The following SASH1 variants were observed in gnomAD, a reference collection of about 807,000 sequenced individuals.
SASH1 encodes the protein SAM and SH3 domain containing 1, also known as SAM and SH3 domain-containing protein 1.
SASH1 carries 44 observed loss-of-function variants against 125.2 expected under a neutral mutation model. The observed-to-expected ratio is 0.35, with a 90% CI of 0.28 to 0.45. SASH1 has a LOEUF of 0.45. Ranked by LOEUF, SASH1 falls within the 20% of genes least tolerant of loss-of-function variation. The probability of loss-of-function intolerance (pLI) is 1.00; values close to 1 mark genes in which losing one functional copy is unlikely to be tolerated. For synonymous variants in SASH1, 639 were observed against 649.1 expected, an observed-to-expected ratio of 0.98 and a Z score of 0.24; for missense variants, 1,426 against 1,614.5, an observed-to-expected ratio of 0.88 and a Z score of 2.00.
upstream of SASH1, among the ~76,000 whole-genome samples, chr6:148,270,103 T>C (rs1779027409): frequency 6.6e-6 from 1 of 152,220 alleles, no homozygotes; most frequent in Non-Finnish European, 1.5e-5. Flanking sequence ...AATTTCTCTT[T>C]TGGTTGCTGG....
rs749939477 is a variant in SASH1, at chr6:148,474,151, G to C, written c.556G>C (p.Asp186His). 3 of 1,612,046 alleles carry C rather than the reference G, an allele frequency of 1.9e-6. No homozygotes were observed. Among genetic ancestry groups the C allele is most frequent in the Non-Finnish European group, 2.5e-6 (3 of 1,179,100 alleles). The change falls in exon 7 of 20, where the codon GAT (aspartate) becomes CAT (histidine). Residue 186 changes from aspartate (D) to histidine (H), a missense_variant. Asp to His is a moderately conservative substitution (Grantham distance 81). Around this residue, in one of 3 missense-constraint regions of SASH1, gnomAD observed 567 missense variants for 575.6 expected, o/e 0.99. Coordinates refer to ENST00000367467, the MANE Select transcript of SASH1 (RefSeq NM_015278.5). ...GYVASEITMS[D>H]EERIQLMMMV... ...TGTTGCCAGTGAAATAACGATGAGC[G>C]ATGAGGAGCGGATTCAGCTAATGAT...
intron 1 of SASH1, among the ~76,000 whole-genome samples, chr6:148,371,862 T>G (rs1002893327): frequency 1.3e-5 from 2 of 152,218 alleles, no homozygotes; most frequent in South Asian, 4.1e-4. Context: ...TTCCTGTATT[T>G]GTGGCCTGAG....
chr6:148,510,995 C>CAA (rs5880785), intron 8 of SASH1, among the ~76,000 whole-genome samples: 7 of 115,362 alleles, frequency 6.1e-5, no homozygotes, highest in African/African-American at 2.4e-4. Context: ...GACTCCATCT[C>CAA]AAAAAAAAAA....
chr6:148,293,062 A>G (rs949660291), intron 1 of SASH1, among the ~76,000 whole-genome samples: 4 of 152,068 alleles, frequency 2.6e-5, no homozygotes, highest in African/African-American at 9.7e-5. Context: ...TCTCAAAAAA[A>G]AAAAAGGTCT....
At chr6:148,365,415 T>A (rs2114723825) in intron 1 of SASH1, among the ~76,000 whole-genome samples, 1 of 151,302 alleles carries the variant, frequency 6.6e-6, no homozygotes, top group South Asian at 2.1e-4. Context: ...TTACTATCTT[T>A]TTTTTTTTTT....
At chr6:148,527,350 G>A in intron 11 of SASH1, 103 bp from the exon 12 acceptor site, 1 of 1,013,174 alleles carries the variant, frequency 9.9e-7, no homozygotes, top group Non-Finnish European at 1.4e-6. Flanking sequence ...AGATCCATGA[G>A]GAATGTCAAT....
intron 7 of SASH1, among the ~76,000 whole-genome samples, chr6:148,481,857 C>T (rs1015728468): frequency 3.9e-5 from 6 of 152,096 alleles, no homozygotes; most frequent in African/African-American, 1.2e-4. Flanking sequence ...TCAGAGTGAG[C>T]CTGTGCTGTT....
chr6:148,287,696 G>T (rs9497993), intron 1 of SASH1, among the ~76,000 whole-genome samples: 48,261 of 150,440 alleles, frequency 0.32, 7,910 homozygotes, highest in South Asian at 0.4. Flanking sequence ...CGTGTGTGTG[G>T]GGGGGTGGGG....
intron 7 of SASH1, among the ~76,000 whole-genome samples, chr6:148,485,087 A>G (rs1375210964): frequency 6.6e-6 from 1 of 152,082 alleles, no homozygotes; most frequent in Non-Finnish European, 1.5e-5. Flanking sequence ...ATCGTCATAT[A>G]TGATTGACTA....
chr6:148,295,127 C>T (rs1002572584), intron 1 of SASH1, among the ~76,000 whole-genome samples: 1 of 152,120 alleles, frequency 6.6e-6, no homozygotes, highest in Non-Finnish European at 1.5e-5. Context: ...ATACAATGTC[C>T]TCATTTTATA....
intron 1 of SASH1, among the ~76,000 whole-genome samples, chr6:148,318,703 C>T (rs1780549152): frequency 6.8e-6 from 1 of 147,022 alleles, no homozygotes; most frequent in South Asian, 2.1e-4. Context: ...CAGGCGCCGG[C>T]CACCACGCTC....
At position 148,544,379 on chromosome 6, in the gene SASH1, T is replaced by C. The variant is rs1463760083; in HGVS notation, c.2909T>C (p.Val970Ala). The C allele has an allele frequency of 6.2e-7, 1 of 1,613,552 alleles. No homozygotes were observed. The highest frequency in any genetic ancestry group is 1.3e-5 in the African/African-American group (1 of 74,740). ...CATCCCCTGGGCACCAAAGAAGGGG[T>C]AGATGCTGAGCAGAGAATGCAGCCC... is the stretch of plus-strand genomic sequence containing the variant. ...THHPLGTKEG[V>A]DAEQRMQPKI... The change falls in exon 18 of 20, where the codon GTA (valine) becomes GCA (alanine). Residue 970 changes from valine to alanine, a missense_variant. By Grantham distance (64) the Val-to-Ala change is moderately conservative (BLOSUM62 0). Coordinates refer to ENST00000367467, the MANE Select transcript of SASH1 (RefSeq NM_015278.5). The surrounding 1 kb of genome is among the most constrained non-coding windows in gnomAD (Gnocchi z 6.4).
rs1201548471 is a variant in SASH1, at chr6:148,513,724, A to G, written c.730-600A>G. The G allele has an allele frequency of 7.1e-6, 7 of 985,870 alleles. No homozygotes were observed. In the African/African-American group the frequency reaches 1.0e-4, roughly 15 times the overall value. 61.1% of individuals were successfully genotyped at this position (985,870 alleles called of 1,614,324 possible). A position where few individuals can be genotyped will look rare whatever the true frequency, so the allele number is the denominator to read the frequency against. On this transcript the variant is annotated intron_variant, in intron 8 of 19. Coordinates refer to ENST00000367467, the MANE Select transcript of SASH1 (RefSeq NM_015278.5). ...GGAGGAATGCAGGGTCTGTCCTCAC[A>G]TTCGCCTTGTGAGCCCTTAGAAGGA...
Position 148,531,599 on chromosome 6 carries a change from A to T in SASH1, c.1502A>T (p.Lys501Met). The change falls in exon 13 of 20, where the codon AAG becomes ATG. Residue 501 changes from lysine (K) to methionine (M), a missense_variant. Coordinates refer to ENST00000367467, the MANE Select transcript of SASH1 (RefSeq NM_015278.5). ...GACCCCGAACACTTGGACAAGCCCA[A>T]GCTCAAGGCCGGGGGTTCTGTAGAA... ...QPDPEHLDKP[K>M]LKAGGSVESL... The T allele has an allele frequency of 8.9e-6, 14 of 1,578,972 alleles. No homozygotes were observed. Among genetic ancestry groups the T allele is most frequent in the Non-Finnish European group, 1.1e-5 (13 of 1,162,418 alleles).
chr6:148,258,224 G>A, the SASH1 span, among the ~76,000 whole-genome samples: 1 of 152,104 alleles, frequency 6.6e-6, no homozygotes, highest in East Asian at 1.9e-4. Context: ...CATTTATTAT[G>A]TGTTAGAATG....
chr6:148,428,906 C>G (rs1248575541), intron 2 of SASH1, among the ~76,000 whole-genome samples: 2 of 152,096 alleles, frequency 1.3e-5, no homozygotes, highest in Non-Finnish European at 2.9e-5. Context: ...AAGAAAATTT[C>G]TTATACCAGG....
chr6:148,510,354 T>A (rs2115309735), intron 8 of SASH1, among the ~76,000 whole-genome samples: 1 of 152,336 alleles, frequency 6.6e-6, no homozygotes, highest in South Asian at 2.1e-4. Flanking sequence ...GTCATACAGA[T>A]GATTGAGTTC....
At chr6:148,359,452 C>T (rs546607055) in intron 1 of SASH1, among the ~76,000 whole-genome samples, 1 of 151,826 alleles carries the variant, frequency 6.6e-6, no homozygotes, top group East Asian at 1.9e-4. Context: ...AGCTGAATTG[C>T]TGCAATCTCA....
chr6:148,209,298 A>G, the SASH1 span, among the ~76,000 whole-genome samples: 1 of 152,220 alleles, frequency 6.6e-6, no homozygotes, highest in Non-Finnish European at 1.5e-5. Flanking sequence ...ATATTAATCA[A>G]AAGCTGTTTC....
Sources: allele counts gnomAD v4.1 joint callset (sites outside exome capture counted in the v4.1 genomes callset), GRCh38; gene constraint gnomAD v4.1.1; regional missense constraint gnomAD v4.1.1; non-coding constraint Gnocchi (gnomAD v3.1); transcripts MANE v1.5; gene names NCBI Gene and HGNC (gene_info 2026-07-23, HGNC 2026-07-21).